NTN1: variants seen among roughly 807,000 people sequenced by gnomAD.
The protein encoded by NTN1 is netrin-1.
A neutral mutation model predicts 54.2 loss-of-function variants in NTN1; 11 were observed. The observed-to-expected ratio is 0.20, with a 90% CI of 0.13 to 0.34. The LOEUF (loss-of-function observed/expected upper bound fraction) is 0.34, where lower values mean the gene tolerates loss of function less well. NTN1 is among the 10% of genes least tolerant of loss of function. The pLI is 1.00. For missense variants in NTN1, 740 were observed against 893.1 expected (o/e 0.83, Z 2.18); for synonymous variants, 371 against 382.0 (o/e 0.97, Z 0.33).
chr17:9,212,431 G>A lies in NTN1; in HGVS notation c.1412-8737G>A, dbSNP rs926893042. Among the ~76,000 whole-genome samples, 10 of 152,190 alleles carry A rather than the reference G, an allele frequency of 6.6e-5. No homozygotes were observed. The highest frequency in any genetic ancestry group is 1.0e-4 in the Non-Finnish European group (7 of 68,040). The stretch of plus-strand genomic sequence containing the variant: ...ACATGGAAATCTGGACTCTCTGGCC[G>A]CGGAGATTCCATGCAGCTTTCTGGT... On this transcript the variant is annotated intron_variant, in intron 5 of 6. Transcript: ENST00000173229. The surrounding 1 kb of genome is among the most constrained non-coding windows in gnomAD (Gnocchi z 5.5).
chr17:9,121,925 T>C (rs1418277380), intron 2 of NTN1, among the ~76,000 whole-genome samples: 7 of 152,166 alleles, frequency 4.6e-5, no homozygotes, highest in African/African-American at 1.4e-4. Flanking sequence ...CCCTCCAATC[T>C]GCCAGTGCCC....
At chr17:9,052,036 G>C (rs981409719) in intron 2 of NTN1, among the ~76,000 whole-genome samples, 3 of 151,826 alleles carry the variant, frequency 2.0e-5, no homozygotes, top group Non-Finnish European at 2.9e-5. Context: ...GCAATGATGC[G>C]ATCTCAGCTC....
Position 9,088,149 on chromosome 17 carries a change from G to T in NTN1, c.1018+64758G>T, listed in dbSNP as rs186596946. ...GCTGGTGCACGAGCCACCCAGTGGG[G>T]ACAGGCAGGGGGCAGGAGGCGGGAG... On this transcript the variant is annotated intron_variant, in intron 2 of 6. Transcript: ENST00000173229. 2.2e-3 allele frequency among the ~76,000 whole-genome samples: 336 copies of T among 152,352 alleles called. 2 individuals carry two copies. Among genetic ancestry groups the T allele is most frequent in the African/African-American group, 7.7e-3 (322 of 41,592 alleles).
intron 2 of NTN1, among the ~76,000 whole-genome samples, chr17:9,140,412 CAT>C (rs935649958): frequency 7.2e-5 from 11 of 152,160 alleles, no homozygotes; most frequent in Non-Finnish European, 1.5e-4. Flanking sequence ...AAAATAAAAA[CAT>C]AAACTTGAAA....
rs549983921 is a variant in NTN1 at position 9,150,873 on chromosome 17, G to C, written c.1019-11940G>C. Among the ~76,000 whole-genome samples the C allele has an allele frequency of 2.0e-5, 3 of 152,350 alleles. No homozygotes were observed. In the East Asian group the frequency reaches 5.8e-4, roughly 29 times the overall value. On this transcript the variant is annotated intron_variant, in intron 2 of 6. Coordinates refer to ENST00000173229, the MANE Select transcript of NTN1 (RefSeq NM_004822.3). ...CCCGCTGTCCACTGGGGAGGGGCCG[G>C]GTGCCCGGCACAGCGGGAGAAAGAA...
intron 2 of NTN1, among the ~76,000 whole-genome samples, chr17:9,138,397 G>A (rs1343531411): frequency 6.6e-6 from 1 of 152,056 alleles, no homozygotes; most frequent in African/African-American, 2.4e-5. Flanking sequence ...TGGCAGGAGC[G>A]GGCTTGGAAG....
rs138984996 is a variant in NTN1 at position 9,206,292 on chromosome 17, C to G, written c.1412-14876C>G. 1.2e-3 allele frequency among the ~76,000 whole-genome samples: 177 copies of G among 152,286 alleles called. 1 individual carries two copies. Among genetic ancestry groups the G allele is most frequent in the African/African-American group, 3.8e-3 (156 of 41,552 alleles). ...AATCTAATTACATGCTTTATTTGAGCCAATTTGTTTTCCAATCCATCTTGT... is the reference window on the plus strand; with the variant it reads ...AATCTAATTACATGCTTTATTTGAGGCAATTTGTTTTCCAATCCATCTTGT... On this transcript the variant is annotated intron_variant, in intron 5 of 6. Transcript: ENST00000173229.
intron 2 of NTN1, among the ~76,000 whole-genome samples, chr17:9,136,694 C>T (rs1353998159): frequency 2.0e-5 from 3 of 152,196 alleles, no homozygotes; most frequent in African/African-American, 7.2e-5. Context: ...TGTGTGTGCG[C>T]TTCATCCTTT....
upstream of NTN1, among the ~76,000 whole-genome samples, chr17:9,018,709 T>C (rs1019056251): frequency 2.0e-5 from 3 of 151,762 alleles, no homozygotes; most frequent in Non-Finnish European, 4.4e-5. Context: ...TCCAGTCTTG[T>C]AGATGCTCCA....
At chr17:9,188,099 T>G (rs1241585581) in intron 5 of NTN1, among the ~76,000 whole-genome samples, 1 of 152,170 alleles carries the variant, frequency 6.6e-6, no homozygotes, top group East Asian at 1.9e-4. Context: ...TACAATGTTG[T>G]GAACAGACTT....
intron 5 of NTN1, among the ~76,000 whole-genome samples, chr17:9,214,253 T>C (rs1905170182): frequency 1.3e-5 from 2 of 152,186 alleles, no homozygotes; most frequent in Non-Finnish European, 2.9e-5. Flanking sequence ...GCTTGTATAG[T>C]TTGCGCTTCT....
chr17:9,165,799 A>T lies in NTN1; in HGVS notation c.1207+2798A>T, dbSNP rs2092371528. ...AAAAATATTTGCCACCTGATTGGTG[A>T]GGAAAGACAGGGCTTTGAGGTTTCT... On this transcript the variant is annotated intron_variant, in intron 3 of 6. Transcript: ENST00000173229. The surrounding 1 kb of genome is among the most constrained non-coding windows in gnomAD (Gnocchi z 4.5). Among the ~76,000 whole-genome samples the T allele has an allele frequency of 6.6e-6, 1 of 152,206 alleles. No homozygotes were observed. The highest frequency in any genetic ancestry group is 2.4e-5 in the African/African-American group (1 of 41,444).
intron 2 of NTN1, among the ~76,000 whole-genome samples, chr17:9,072,096 C>T (rs1314951145): frequency 2.0e-5 from 3 of 152,174 alleles, no homozygotes; most frequent in African/African-American, 7.2e-5. Context: ...CAGCTGAGGT[C>T]TGGCAAGATG....
chr17:9,160,524 A>G (rs2092354331), intron 2 of NTN1, among the ~76,000 whole-genome samples: 1 of 152,260 alleles, frequency 6.6e-6, no homozygotes, highest in African/African-American at 2.4e-5. Flanking sequence ...GTAGGAAAGA[A>G]TTAAATAGCT....
intron 2 of NTN1, among the ~76,000 whole-genome samples, chr17:9,040,265 GTCT>G (rs2091917127): frequency 6.6e-6 from 1 of 151,994 alleles, no homozygotes; most frequent in Admixed American, 6.5e-5. Context: ...ATTTATTTAT[GTCT>G]TCTTTTATGC....
At chr17:9,043,431 C>T (rs1248606551) in intron 2 of NTN1, among the ~76,000 whole-genome samples, 1 of 152,100 alleles carries the variant, frequency 6.6e-6, no homozygotes, top group Non-Finnish European at 1.5e-5. Flanking sequence ...TTTAGCTTGC[C>T]CAGAGTCACA....
chr17:9,098,218 G>A (rs1431586862), intron 2 of NTN1, among the ~76,000 whole-genome samples: 2 of 152,130 alleles, frequency 1.3e-5, no homozygotes, highest in Admixed American at 6.6e-5. Flanking sequence ...CCACCTGTTC[G>A]TGTGACCCTG....
rs1032798354 is a variant in NTN1, at chr17:9,118,661, C to T, written c.1019-44152C>T. On this transcript the variant is annotated intron_variant, in intron 2 of 6. Coordinates refer to ENST00000173229, the MANE Select transcript of NTN1 (RefSeq NM_004822.3). ...CATTTCCTCCCACCCACCCCCTTTC[C>T]AGTGCTGAACAACCACCGCTCTACT... Among the ~76,000 whole-genome samples the T allele has an allele frequency of 4.6e-5, 7 of 152,316 alleles. No homozygotes were observed. The East Asian group carries it at 1.3e-3, about 29-fold the overall frequency.
rs114822385 is a variant in NTN1 at position 9,169,575 on chromosome 17, G to A, written c.1207+6574G>A. Reference sequence around the variant, plus strand: ...CCCCAAATGCCACATAGAAATTCCTGGAGGATTGGCTGGGTGCGGTGGCTC... The same window carrying A: ...CCCCAAATGCCACATAGAAATTCCTAGAGGATTGGCTGGGTGCGGTGGCTC... On this transcript the variant is annotated intron_variant, in intron 3 of 6. Coordinates refer to ENST00000173229, the MANE Select transcript of NTN1 (RefSeq NM_004822.3). Among the ~76,000 whole-genome samples the A allele has an allele frequency of 4.6e-3, 703 of 152,294 alleles. 7 individuals are homozygous for A. Among genetic ancestry groups the A allele is most frequent in the African/African-American group, 0.016 (670 of 41,568 alleles).
Sources: allele counts gnomAD v4.1 joint callset (sites outside exome capture counted in the v4.1 genomes callset), GRCh38; gene constraint gnomAD v4.1.1; non-coding constraint Gnocchi (gnomAD v3.1); transcripts MANE v1.5; gene names NCBI Gene and HGNC (gene_info 2026-07-23, HGNC 2026-07-21).